KAZN: variants seen among roughly 807,000 people sequenced by gnomAD.
The protein encoded by KAZN is kazrin, periplakin interacting protein.
Under a neutral mutation model 87.4 loss-of-function variants are expected in KAZN, and 40 were observed. The ratio of observed to expected loss-of-function variants is 0.46; its 90% CI spans 0.36 to 0.60. The LOEUF is 0.60. KAZN is among the 20% of genes least tolerant of loss of function. The pLI is 0.00. For missense variants in KAZN, 898 were observed against 1,073.9 expected, an observed-to-expected ratio of 0.84 and a Z score of 2.29; for synonymous variants, 466 against 458.3, an observed-to-expected ratio of 1.02 and a Z score of -0.22.
intron 1 of KAZN, among the ~76,000 whole-genome samples, chr1:14,930,655 A>C (rs1421426848): frequency 6.6e-6 from 1 of 152,122 alleles, no homozygotes; most frequent in African/African-American, 2.4e-5. Flanking sequence ...GAGAGGTTAC[A>C]CCGGCTGTGG....
chr1:15,097,464 G>C (rs548891738), intron 10 of KAZN, among the ~76,000 whole-genome samples: 2 of 152,202 alleles, frequency 1.3e-5, no homozygotes, highest in Non-Finnish European at 2.9e-5. Context: ...ATCACCTTAT[G>C]GATATCATTT....
chr1:14,195,115 T>C (rs1240623827), intron 2 of KAZN, among the ~76,000 whole-genome samples: 1 of 152,188 alleles, frequency 6.6e-6, no homozygotes, highest in African/African-American at 2.4e-5. Context: ...CAACAGCTTA[T>C]TATAGAAGAA....
chr1:14,363,883 A>G (rs1659729405), intron 2 of KAZN, among the ~76,000 whole-genome samples: 1 of 152,054 alleles, frequency 6.6e-6, no homozygotes, highest in African/African-American at 2.4e-5. Flanking sequence ...TGGATTAAAC[A>G]CCATAAACGG....
At chr1:14,162,167 G>C (rs1297211878) in intron 1 of KAZN, among the ~76,000 whole-genome samples, 3 of 152,190 alleles carry the variant, frequency 2.0e-5, no homozygotes, top group Non-Finnish European at 4.4e-5. Context: ...TTATATAAAA[G>C]ATCATGTTTG....
chr1:14,822,788 G>A (rs1646772943), intron 1 of KAZN, among the ~76,000 whole-genome samples: 1 of 152,104 alleles, frequency 6.6e-6, no homozygotes, highest in East Asian at 1.9e-4. Flanking sequence ...TCTGTGGCGA[G>A]TGCTCCTTTC....
At chr1:14,513,200 CAA>C (rs561792915) in intron 2 of KAZN, among the ~76,000 whole-genome samples, 152 of 152,264 alleles carry the variant, frequency 1.0e-3, no homozygotes, top group Non-Finnish European at 1.9e-3. Flanking sequence ...GATATTAGGG[CAA>C]ACCGGCTTCT....
intron 1 of KAZN, among the ~76,000 whole-genome samples, chr1:14,829,351 AACAG>A (rs1292506169): frequency 1.3e-5 from 2 of 152,230 alleles, no homozygotes; most frequent in East Asian, 3.9e-4. Flanking sequence ...AGGAACATGT[AACAG>A]AGATGGAGGA....
intron 1 of KAZN, among the ~76,000 whole-genome samples, chr1:14,128,364 G>C (rs1644918615): frequency 9.0e-6 from 1 of 111,196 alleles, no homozygotes; most frequent in East Asian, 3.2e-4. Context: ...TAGTTTGCTA[G>C]GACTGCCATA....
intron 2 of KAZN, among the ~76,000 whole-genome samples, chr1:14,577,413 A>G (rs956743786): frequency 1.3e-5 from 2 of 152,186 alleles, no homozygotes; most frequent in African/African-American, 4.8e-5. Flanking sequence ...GCTTCCACAG[A>G]CACCCTCAGC....
chr1:13,934,741 G>A (rs1025637941), intron 1 of KAZN, among the ~76,000 whole-genome samples: 2 of 152,022 alleles, frequency 1.3e-5, no homozygotes, highest in Non-Finnish European at 2.9e-5. Context: ...CTGGGCTTCC[G>A]GGCATTGTAT....
rs368769472 is a variant in KAZN, at chr1:14,406,108, TG to T, written c.250-192874del. On this transcript the variant is annotated intron_variant, in intron 2 of 16. Coordinates refer to the KAZN transcript ENST00000636203. The stretch of plus-strand genomic sequence containing the variant: ...AATAACATAAAGAATGTAATTGGCT[TG>T]TTTGTAACTCAAAGGATAAATGCTT... Among the ~76,000 whole-genome samples the T allele has an allele frequency of 1.7e-4, 26 of 152,338 alleles. No homozygotes were observed. In the East Asian group the frequency reaches 3.7e-3, roughly 21 times the overall value.
At chr1:14,239,895 T>C (rs6698014) in intron 2 of KAZN, among the ~76,000 whole-genome samples, 145,038 of 152,184 alleles carry the variant, frequency 0.95, 69,176 homozygotes, top group East Asian at 1. Context: ...TAGAGGCCAG[T>C]GACATTGCTA....
At chr1:14,497,571 A>G (rs1226689688) in intron 2 of KAZN, among the ~76,000 whole-genome samples, 1 of 152,178 alleles carries the variant, frequency 6.6e-6, no homozygotes, top group Non-Finnish European at 1.5e-5. Context: ...TTCAGTTTAA[A>G]GTTGGCCATA....
intron 2 of KAZN, among the ~76,000 whole-genome samples, chr1:14,374,649 G>A (rs1660759161): frequency 6.6e-6 from 1 of 152,198 alleles, no homozygotes; most frequent in Admixed American, 6.5e-5. Context: ...ACGCCCTTCT[G>A]GGAACAGCCT....
intron 1 of KAZN, among the ~76,000 whole-genome samples, chr1:14,822,450 T>C (rs544430143): frequency 6.6e-6 from 1 of 152,268 alleles, no homozygotes; most frequent in Non-Finnish European, 1.5e-5. Flanking sequence ...TGAAGGAGGA[T>C]TTCTTGGGAA....
chr1:14,282,706 G>A (rs1652939173), intron 2 of KAZN, among the ~76,000 whole-genome samples: 1 of 152,202 alleles, frequency 6.6e-6, no homozygotes, highest in African/African-American at 2.4e-5. Context: ...AGTCAGGCCA[G>A]CTTGCAGCCA....
At chr1:14,623,122 G>T (rs913768734) in intron 1 of KAZN, among the ~76,000 whole-genome samples, 1 of 152,074 alleles carries the variant, frequency 6.6e-6, no homozygotes, top group Non-Finnish European at 1.5e-5. Flanking sequence ...GGATATATTG[G>T]TATATACCCA....
intron 1 of KAZN, among the ~76,000 whole-genome samples, chr1:13,944,836 A>G (rs900651389): frequency 6.6e-6 from 1 of 152,218 alleles, no homozygotes; most frequent in Non-Finnish European, 1.5e-5. Flanking sequence ...AGTTTTGACA[A>G]GTAGAAAACA....
intron 1 of KAZN, among the ~76,000 whole-genome samples, chr1:13,996,764 C>T (rs575846256): frequency 6.6e-6 from 1 of 152,358 alleles, no homozygotes; most frequent in East Asian, 1.9e-4. Flanking sequence ...CAGACTTAGC[C>T]TTTCCTCCTG....
Sources: allele counts gnomAD v4.1 joint callset (sites outside exome capture counted in the v4.1 genomes callset), GRCh38; gene constraint gnomAD v4.1.1; transcripts MANE v1.5; gene names NCBI Gene and HGNC (gene_info 2026-07-23, HGNC 2026-07-21).